BRAT1: variants seen among roughly 807,000 people sequenced by gnomAD.
The protein encoded by BRAT1 is BRCA1 associated ATM activator 1.
A neutral mutation model predicts 70.6 loss-of-function variants in BRAT1; 74 were observed. The observed-to-expected ratio is 1.05, with a 90% CI of 0.87 to 1.27. BRAT1 has a LOEUF of 1.27. Among genes scored for constraint, BRAT1 ranks in the 50% most tolerant of loss-of-function variants. The pLI, the probability that BRAT1 is intolerant of heterozygous loss-of-function variation, is 0.00. For missense variants in BRAT1, 1,203 were observed against 1,098.2 expected, an observed-to-expected ratio of 1.10 and a Z score of -1.35; for synonymous variants, 615 against 517.1, an observed-to-expected ratio of 1.19 and a Z score of -2.57.
intron 2 of BRAT1, 58 bp from the exon 3 acceptor site, chr7:2,547,536 G>T: frequency 1.3e-6 from 2 of 1,571,886 alleles, no homozygotes; most frequent in South Asian, 1.1e-5. Context: ...TGTCCCCCTG[G>T]ATGACCGCTC....
intron 10 of BRAT1, 145 bp downstream of exon 10, chr7:2,540,834 A>G (rs1237400326): frequency 2.3e-6 from 2 of 859,908 alleles, no homozygotes; most frequent in Non-Finnish European, 3.3e-6. Context: ...AGCCACCTGC[A>G]TCGTGAAGCT....
chr7:2,543,343 A>G lies in BRAT1; in HGVS notation c.804-20T>C, dbSNP rs201155141. 72 of 1,563,974 alleles carry G rather than the reference A, an allele frequency of 4.6e-5. No homozygotes were observed. The African/African-American group carries it at 8.9e-4, about 19-fold the overall frequency. ...GGAGAACTGCAGGGAGACCCCAGAG[A>G]GAAAAATTACTCCCCCACCCTCAAA... On this transcript the variant is annotated intron_variant, in intron 5 of 13. Coordinates refer to ENST00000340611, the MANE Select transcript of BRAT1 (RefSeq NM_152743.4). This position sits in a 1 kb window ranked among gnomAD's most constrained non-coding sequence, Gnocchi z 5.5.
chr7:2,547,699 G>A (rs985993833), intron 2 of BRAT1, among the ~76,000 whole-genome samples: 1 of 152,182 alleles, frequency 6.6e-6, no homozygotes, highest in Non-Finnish European at 1.5e-5. Flanking sequence ...GGTGAAAGGC[G>A]GAACACTGTC....
Position 2,542,716 on chromosome 7 carries a change from G to A in BRAT1, c.923+488C>T, listed in dbSNP as rs368513150. ...CTCATGGTACCCCTGGGCCCTGTGGGCAGCAGGTCCTGAGGTCACTTCCAC... is the reference window on the plus strand; with the variant it reads ...CTCATGGTACCCCTGGGCCCTGTGGACAGCAGGTCCTGAGGTCACTTCCAC... On this transcript the variant is annotated intron_variant, in intron 6 of 13. Coordinates refer to ENST00000340611, the MANE Select transcript of BRAT1 (RefSeq NM_152743.4). The A allele has an allele frequency of 1.1e-3, 196 of 178,776 alleles. 1 individual carries two copies. The highest frequency in any genetic ancestry group is 4.2e-3 in the African/African-American group (176 of 41,886). 11.1% of individuals were successfully genotyped at this position (178,776 alleles called of 1,614,324 possible).
At position 2,538,384 on chromosome 7, in the gene BRAT1, C is replaced by A; in HGVS notation, c.2151G>T (p.Gln717His). The A allele has an allele frequency of 6.2e-7, 1 of 1,613,574 alleles. No homozygotes were observed. The highest frequency in any genetic ancestry group is 8.5e-7 in the Non-Finnish European group (1 of 1,179,940). Residue 717 changes from glutamine to histidine, a missense_variant, in exon 14 of 14, where the codon CAG becomes CAT. Gln to His is a conservative substitution (Grantham distance 24). Coordinates refer to ENST00000340611, the MANE Select transcript of BRAT1 (RefSeq NM_152743.4). ...ALFDCDRPVA[Q>H]KSCDLLLFLR... ...GGAAGAGAAGGAGGTCACAAGACTT[C>A]TGCGCCACAGGGCGGTCGCAGTCAA...
intron 13 of BRAT1, 61 bp downstream of exon 13, chr7:2,539,118 C>G (rs1778934744): frequency 6.5e-7 from 1 of 1,535,508 alleles, no homozygotes; most frequent in Non-Finnish European, 8.8e-7. Flanking sequence ...CACCCGCAAG[C>G]AAACGAGCAC....
rs374020018 is a variant in BRAT1 at position 2,541,397 on chromosome 7, C to G, written c.1222G>C (p.Ala408Pro). ...LRLCDGSAAP[A>P]SSVGGHLCGT... ...CAGAGGTGGCCCCCCACACTGGAGGCAGGGGCAGCCGAGCCGTCACAGAGC... is the reference window on the plus strand; with the variant it reads ...CAGAGGTGGCCCCCCACACTGGAGGGAGGGGCAGCCGAGCCGTCACAGAGC... The change falls in exon 9 of 14, where the codon GCC (alanine) becomes CCC (proline). Residue 408 changes from alanine to proline, a missense_variant. Transcript: ENST00000340611. 2 of 1,602,852 alleles carry G rather than the reference C, an allele frequency of 1.2e-6. No homozygotes were observed. The highest frequency in any genetic ancestry group is 1.7e-6 in the Non-Finnish European group (2 of 1,176,942).
At position 2,541,700 on chromosome 7, in the gene BRAT1, G is replaced by A. The variant is rs199509441; in HGVS notation, c.1134+18C>T. 77 of 1,596,952 alleles carry A rather than the reference G, an allele frequency of 4.8e-5. No homozygotes were observed. The African/African-American group carries it at 8.3e-4, about 17-fold the overall frequency. Reference sequence around the variant, plus strand: ...GCGTGGATGCTGCTGGGCTGCATGAGGACCGGGCCGCACCTACCAGCGGCT... The same window carrying A: ...GCGTGGATGCTGCTGGGCTGCATGAAGACCGGGCCGCACCTACCAGCGGCT... On this transcript the variant is annotated intron_variant, in intron 8 of 13. Coordinates refer to ENST00000340611, the MANE Select transcript of BRAT1 (RefSeq NM_152743.4).
intron 2 of BRAT1, among the ~76,000 whole-genome samples, chr7:2,549,515 G>A (rs1376384488): frequency 1.3e-5 from 2 of 151,364 alleles, no homozygotes; most frequent in African/African-American, 4.9e-5. Flanking sequence ...ACCAGAAGAG[G>A]AAAGATTTAA....
Position 2,543,384 on chromosome 7 carries a change from T to G in BRAT1, c.804-61A>C. On this transcript the variant is annotated intron_variant, in intron 5 of 13. Coordinates refer to ENST00000340611, the MANE Select transcript of BRAT1 (RefSeq NM_152743.4). The surrounding 1 kb of genome is among the most constrained non-coding windows in gnomAD (Gnocchi z 5.5). The stretch of plus-strand genomic sequence containing the variant: ...CACCCTCAAAACCCCATTCGAGGCC[T>G]GGCTGAGACTGCCATGGCTCCGGCA... The G allele has an allele frequency of 6.6e-7, 1 of 1,516,964 alleles. No individual in the cohort carries two copies. Among genetic ancestry groups the G allele is most frequent in the Non-Finnish European group, 8.8e-7 (1 of 1,132,622 alleles). 94.0% of individuals were successfully genotyped at this position (1,516,964 alleles called of 1,614,324 possible). A position where few individuals can be genotyped will look rare whatever the true frequency, so the allele number is the denominator to read the frequency against.
intron 8 of BRAT1, 62 bp from the exon 9 acceptor site, chr7:2,541,546 G>A: frequency 6.7e-7 from 1 of 1,490,720 alleles, no homozygotes. Context: ...ATGCAGGGGT[G>A]CTGGGACTTC....
chr7:2,545,558 C>T (rs951609461), intron 3 of BRAT1, among the ~76,000 whole-genome samples: 2 of 146,524 alleles, frequency 1.4e-5, no homozygotes, highest in Admixed American at 6.8e-5. Flanking sequence ...TGGCACATCT[C>T]GGCTCACTGC....
Position 2,538,339 on chromosome 7 carries a change from G to A in BRAT1, c.2196C>T (p.Ser732=), listed in dbSNP as rs776302978. 4 of 1,613,216 alleles carry A rather than the reference G, an allele frequency of 2.5e-6. No individual in the cohort carries two copies. Among genetic ancestry groups the A allele is most frequent in the Non-Finnish European group, 3.4e-6 (4 of 1,179,924 alleles). The stretch of plus-strand genomic sequence containing the variant: ...CCCTGGCCTCCCGCAGGCTGCTGTA[G>A]GAAGCAATCTTGTCCCTCAGGAAGA... The part of the protein sequence containing the change: ...LLLFLRDKIA[S]YSSLREARGS... Residue 732 remains serine, a synonymous_variant, in exon 14 of 14, where the codon TCC becomes TCT. Coordinates refer to ENST00000340611, the MANE Select transcript of BRAT1 (RefSeq NM_152743.4).
chr7:2,553,983 T>A (rs957960736), intron 2 of BRAT1, among the ~76,000 whole-genome samples: 3 of 152,178 alleles, frequency 2.0e-5, no homozygotes, highest in Admixed American at 2.0e-4. Flanking sequence ...AAATCTGATG[T>A]CTTAAACACA....
At chr7:2,539,920 G>A (rs565153096) in intron 10 of BRAT1, 32 bp from the exon 11 acceptor site, 28 of 1,411,432 alleles carry the variant, frequency 2.0e-5, no homozygotes, top group Middle Eastern at 2.0e-4. Flanking sequence ...GCAGGGCCAC[G>A]GGAGACGGAG....
chr7:2,543,112 A>G lies in BRAT1; in HGVS notation c.923+92T>C. The G allele has an allele frequency of 7.0e-7, 1 of 1,435,690 alleles. No homozygotes were observed. Among genetic ancestry groups the G allele is most frequent in the Non-Finnish European group, 9.2e-7 (1 of 1,085,290 alleles). The allele number at this position is 1,435,690 out of a possible 1,614,324, so 88.9% of individuals were successfully genotyped here. On this transcript the variant is annotated intron_variant, in intron 6 of 13. Coordinates refer to ENST00000340611, the MANE Select transcript of BRAT1 (RefSeq NM_152743.4). The surrounding 1 kb of genome is among the most constrained non-coding windows in gnomAD (Gnocchi z 5.5). The stretch of plus-strand genomic sequence containing the variant: ...CCGCCTGACTGTCCCTGGTGTCCGG[A>G]ACTCCCCTGCCATGAGGGCTGCGCT...
Position 2,543,413 on chromosome 7 carries a change from G to A in BRAT1, c.804-90C>T. On this transcript the variant is annotated intron_variant, in intron 5 of 13. Transcript: ENST00000340611. This position sits in a 1 kb window ranked among gnomAD's most constrained non-coding sequence, Gnocchi z 5.5. ...TGAGACTGCCATGGCTCCGGCACTG[G>A]AGGCGCCCAGCCCAAGACAGGCCTT... 3 of 1,497,870 alleles carry A rather than the reference G, an allele frequency of 2.0e-6. No individual in the cohort carries two copies. The highest frequency in any genetic ancestry group is 2.7e-6 in the Non-Finnish European group (3 of 1,126,828). 92.8% of individuals were successfully genotyped at this position (1,497,870 alleles called of 1,614,324 possible).
chr7:2,552,107 T>TA (rs1491344376), intron 2 of BRAT1, among the ~76,000 whole-genome samples: 150 of 14,900 alleles, frequency 0.01, no homozygotes, highest in African/African-American at 0.023. Context: ...TATATATATA[T>TA]TTTTTTTTTT....
At chr7:2,547,793 G>A (rs1779724065) in intron 2 of BRAT1, among the ~76,000 whole-genome samples, 1 of 152,160 alleles carries the variant, frequency 6.6e-6, no homozygotes, top group South Asian at 2.1e-4. Context: ...AAATTAAAGT[G>A]AAAGACCAGG....
Sources: gnomAD v4.1 joint callset for allele counts (sites outside exome capture counted in the v4.1 genomes callset) on GRCh38, gnomAD v4.1.1 for gene constraint, Gnocchi (gnomAD v3.1) non-coding constraint, MANE v1.5 for transcripts, NCBI Gene and HGNC (gene_info 2026-07-23, HGNC 2026-07-21) for gene names.